The following EYS variants were observed in gnomAD, a reference collection of about 807,000 sequenced individuals.
EYS encodes the protein protein eyes shut homolog.
In EYS, 250 loss-of-function variants were observed where a neutral mutation model predicts 282.1. That is an observed-to-expected ratio of 0.89 (90% CI 0.80 to 0.98). EYS has a LOEUF of 0.98. Ranked by LOEUF, EYS falls within the 50% of genes least tolerant of loss-of-function variation. The pLI is 0.00. For synonymous variants in EYS, 1,355 were observed against 1,282.9 expected, an observed-to-expected ratio of 1.06 and a Z score of -1.20; for missense variants, 4,016 against 3,709.0, an observed-to-expected ratio of 1.08 and a Z score of -2.15.
chr6:64,515,760 T>G (rs1469698539), intron 26 of EYS, among the ~76,000 whole-genome samples: 1 of 151,614 alleles, frequency 6.6e-6, no homozygotes, highest in Middle Eastern at 3.2e-3. Flanking sequence ...TAATACATTT[T>G]TAAAATGAAG....
At chr6:64,349,952 C>A (rs1771559447) in intron 29 of EYS, among the ~76,000 whole-genome samples, 1 of 151,198 alleles carries the variant, frequency 6.6e-6, no homozygotes. Flanking sequence ...ATTTTTATTT[C>A]TATTTATTTA....
intron 22 of EYS, among the ~76,000 whole-genome samples, chr6:64,635,684 A>G (rs949126504): frequency 9.9e-5 from 15 of 152,178 alleles, no homozygotes; most frequent in Non-Finnish European, 1.5e-4. Flanking sequence ...CCACTTGATC[A>G]TGGTGGATAA....
intron 32 of EYS, among the ~76,000 whole-genome samples, chr6:64,066,908 A>C (rs991969086): frequency 6.6e-6 from 1 of 152,030 alleles, no homozygotes; most frequent in African/African-American, 2.4e-5. Flanking sequence ...CTAATGTTTA[A>C]ATTTTATTTT....
chr6:64,253,821 A>G (rs1482236003), intron 30 of EYS, among the ~76,000 whole-genome samples: 1 of 136,558 alleles, frequency 7.3e-6, no homozygotes, highest in Admixed American at 7.4e-5. Context: ...CCATAAATTC[A>G]TCTTTTCTTC....
intron 12 of EYS, among the ~76,000 whole-genome samples, chr6:65,129,875 T>A (rs901326966): frequency 2.0e-5 from 3 of 151,864 alleles, no homozygotes; most frequent in Non-Finnish European, 4.4e-5. Context: ...CTTTGTAGTG[T>A]TATTCACAAT....
intron 12 of EYS, among the ~76,000 whole-genome samples, chr6:65,171,209 G>T (rs2150227505): frequency 6.7e-6 from 1 of 148,690 alleles, no homozygotes; most frequent in East Asian, 2.0e-4. Flanking sequence ...ACACTGTTGA[G>T]ATATTACTGA....
At chr6:64,197,741 T>C (rs1043419124) in intron 31 of EYS, among the ~76,000 whole-genome samples, 5 of 150,594 alleles carry the variant, frequency 3.3e-5, no homozygotes, top group African/African-American at 1.2e-4. Flanking sequence ...TAGTGGTTTT[T>C]ACTTTAAATT....
Position 64,591,914 on chromosome 6 carries a change from GGT to G in EYS, c.3951_3952del (p.Pro1318LeufsTer13), listed in dbSNP as rs1270740001. The stretch of plus-strand genomic sequence containing the variant: ...TTCTTGGAGTAAGTAGCTTTCCAAG[GGT>G]GTGCTAATTCTTAATGTTGCCAAAC... On this transcript the variant is annotated frameshift_variant, in exon 26 of 43. Transcript: ENST00000503581. LOFTEE classifies it high-confidence loss of function. The G allele has an allele frequency of 1.9e-6, 3 of 1,547,694 alleles. No homozygotes were observed. Among genetic ancestry groups the G allele is most frequent in the Non-Finnish European group, 2.6e-6 (3 of 1,144,574 alleles).
intron 22 of EYS, among the ~76,000 whole-genome samples, chr6:64,715,653 C>T (rs1771366694): frequency 6.6e-6 from 1 of 152,090 alleles, no homozygotes; most frequent in African/African-American, 2.4e-5. Context: ...TGATGATGTA[C>T]CAACTGGGAG....
At chr6:64,013,758 A>AG (rs34407346) in intron 33 of EYS, among the ~76,000 whole-genome samples, 1 of 152,120 alleles carries the variant, frequency 6.6e-6, no homozygotes, top group African/African-American at 2.4e-5. Flanking sequence ...ACTTAGAACA[A>AG]GGGCATTAGG....
intron 23 of EYS, among the ~76,000 whole-genome samples, chr6:64,618,197 C>T (rs137865995): frequency 1.3e-4 from 20 of 152,266 alleles, no homozygotes; most frequent in African/African-American, 4.3e-4. Context: ...TTATTTCCAT[C>T]ATCAACCTAT....
chr6:65,125,643 A>C (rs766619062), intron 12 of EYS, among the ~76,000 whole-genome samples: 6 of 152,178 alleles, frequency 3.9e-5, no homozygotes, highest in Non-Finnish European at 7.3e-5. Flanking sequence ...TACAGCTTCT[A>C]CATCTCACTC....
intron 1 of EYS, among the ~76,000 whole-genome samples, chr6:65,705,551 A>C: frequency 6.6e-6 from 1 of 152,312 alleles, no homozygotes; most frequent in South Asian, 2.1e-4. Flanking sequence ...ATTAGGTTTT[A>C]GTAATTCCAT....
chr6:64,800,698 A>G (rs1562198568), intron 22 of EYS, among the ~76,000 whole-genome samples: 1 of 152,018 alleles, frequency 6.6e-6, no homozygotes, highest in Non-Finnish European at 1.5e-5. Context: ...AAAGTAAAAT[A>G]CCATATAATT....
At chr6:63,852,216 ATTAACAAAATAGAACCCTAGCCAGACT>A in intron 36 of EYS, among the ~76,000 whole-genome samples, 1 of 150,784 alleles carries the variant, frequency 6.6e-6, no homozygotes, top group East Asian at 2.0e-4. Flanking sequence ...TTTTGAAAAT[ATTAACAAAATAGAACCCTAGCCAGACT>A]AATAAGAAAA....
At chr6:65,631,407 T>G (rs1766905755) in intron 2 of EYS, among the ~76,000 whole-genome samples, 1 of 151,812 alleles carries the variant, frequency 6.6e-6, no homozygotes, top group Admixed American at 6.6e-5. Flanking sequence ...AAAGTAATAT[T>G]AGCTTTGGTC....
chr6:63,728,462 T>C (rs1178716307), intron 41 of EYS, among the ~76,000 whole-genome samples: 4 of 152,130 alleles, frequency 2.6e-5, no homozygotes, highest in Non-Finnish European at 5.9e-5. Flanking sequence ...CAAAACTGAG[T>C]GGAAAGTATT....
chr6:64,667,192 T>A (rs1210936296), intron 22 of EYS, among the ~76,000 whole-genome samples: 1 of 148,850 alleles, frequency 6.7e-6, no homozygotes, highest in East Asian at 1.9e-4. Context: ...ATTTATAATA[T>A]ATAATAATAT....
chr6:65,259,865 C>A (rs1395808876), intron 12 of EYS, among the ~76,000 whole-genome samples: 4 of 151,994 alleles, frequency 2.6e-5, no homozygotes, highest in Non-Finnish European at 5.9e-5. Context: ...TCCAGTTCTG[C>A]CTGGAGTAGA....
Sources: allele counts gnomAD v4.1 joint callset (sites outside exome capture counted in the v4.1 genomes callset), GRCh38; gene constraint gnomAD v4.1.1; transcripts MANE v1.5; gene names NCBI Gene and HGNC (gene_info 2026-07-23, HGNC 2026-07-21).